The following SCML2 variants were observed in gnomAD, a reference collection of about 807,000 sequenced individuals.
SCML2 encodes the protein Scm polycomb group protein like 2.
Under a neutral mutation model 48.4 loss-of-function variants are expected in SCML2, and 6 were observed. The ratio of observed to expected loss-of-function variants is 0.12; its 90% CI spans 0.07 to 0.24. SCML2 has a LOEUF of 0.24. Ranked by LOEUF, SCML2 falls within the 10% of genes least tolerant of loss-of-function variation. SCML2 has a pLI of 1.00. For missense variants in SCML2, 377 were observed against 528.2 expected, an observed-to-expected ratio of 0.71 and a Z score of 2.81; for synonymous variants, 181 against 189.5, an observed-to-expected ratio of 0.95 and a Z score of 0.37.
intron 11 of SCML2, among the ~76,000 whole-genome samples, chrX:18,251,848 T>C (rs1350174336): frequency 1.8e-5 from 2 of 112,104 alleles, no homozygotes; most frequent in South Asian, 3.7e-4. Context: ...GCATTCCTAA[T>C]AGCCAAAAAG....
At chrX:18,354,555 C>G (rs1366777889) in intron 1 of SCML2, 37 bp downstream of exon 1, 1 of 263,935 alleles carries the variant, frequency 3.8e-6, no homozygotes, top group East Asian at 5.4e-5. Flanking sequence ...ACACCTCCGC[C>G]TCTCCATTCC....
At chrX:18,273,654 G>C (rs1253362677) in intron 7 of SCML2, among the ~76,000 whole-genome samples, 1 of 111,409 alleles carries the variant, frequency 9.0e-6, no homozygotes, top group Non-Finnish European at 1.9e-5. Context: ...TTCTGGGAGG[G>C]TGGGTTCCCA....
chrX:18,310,291 G>C (rs1157047717), intron 6 of SCML2, among the ~76,000 whole-genome samples: 1 of 76,429 alleles, frequency 1.3e-5, no homozygotes, highest in East Asian at 4.1e-4. Flanking sequence ...TTTTTGAGAC[G>C]GTCTCTCTCT....
intron 7 of SCML2, among the ~76,000 whole-genome samples, chrX:18,267,590 G>GTTTTT (rs766175364): frequency 9.9e-6 from 1 of 100,547 alleles, no homozygotes; most frequent in Non-Finnish European, 2.0e-5. Context: ...TTTTGTTTGG[G>GTTTTT]TTTTTTTTTT....
chrX:18,344,899 G>A (rs191303601), intron 1 of SCML2, among the ~76,000 whole-genome samples: 1 of 111,447 alleles, frequency 9.0e-6, no homozygotes, highest in East Asian at 2.8e-4. Context: ...GAGATTCAAT[G>A]ATAATGGTGT....
At chrX:18,333,457 A>G (rs1440441172) in intron 2 of SCML2, among the ~76,000 whole-genome samples, 1 of 111,753 alleles carries the variant, frequency 8.9e-6, no homozygotes, top group Non-Finnish European at 1.9e-5. Flanking sequence ...AAATAGTTCT[A>G]CAGAAGGATT....
At chrX:18,275,454 C>T (rs1927598229) in intron 7 of SCML2, among the ~76,000 whole-genome samples, 1 of 112,478 alleles carries the variant, frequency 8.9e-6, no homozygotes, top group Non-Finnish European at 1.9e-5. Context: ...AAACATAGGA[C>T]CATGATGCTC....
intron 8 of SCML2, 119 bp from the exon 9 acceptor site, chrX:18,260,410 C>A: frequency 1.6e-6 from 1 of 620,410 alleles, no homozygotes; most frequent in Non-Finnish European, 2.3e-6. Flanking sequence ...ATCAGAAGTC[C>A]TCAGGTTGGA....
intron 1 of SCML2, among the ~76,000 whole-genome samples, chrX:18,339,763 C>G (rs1468446151): frequency 9.0e-6 from 1 of 111,045 alleles, no homozygotes; most frequent in African/African-American, 3.3e-5. Context: ...GCTTTTGGCC[C>G]TTTATGAGCC....
intron 5 of SCML2, 133 bp from the exon 6 acceptor site, chrX:18,320,553 G>A: frequency 2.6e-6 from 1 of 392,088 alleles, no homozygotes; most frequent in East Asian, 4.0e-5. Context: ...CTTTGAACAT[G>A]GGCAAGAGGA....
rs1178980010 is a variant in SCML2 at position 18,241,222 on chromosome X, T to A, written c.*29A>T. Reference sequence around the variant, plus strand: ...AAAATGTTAACAGTACACCTGAGAATTATGTCCAATCTAAACTTACACATT... The same window carrying A: ...AAAATGTTAACAGTACACCTGAGAAATATGTCCAATCTAAACTTACACATT... On this transcript the variant is annotated 3_prime_UTR_variant, in exon 15 of 15. Transcript: ENST00000251900. The A allele has an allele frequency of 8.7e-7, 1 of 1,149,280 alleles. No homozygotes were observed. The highest frequency in any genetic ancestry group is 1.8e-5 in the African/African-American group (1 of 55,841). The allele number at this position is 1,149,280 out of a possible 1,213,427, so 94.7% of individuals were successfully genotyped here. A position where few individuals can be genotyped will look rare whatever the true frequency, so the allele number is the denominator to read the frequency against.
intron 4 of SCML2, among the ~76,000 whole-genome samples, chrX:18,324,697 T>C (rs1929424659): frequency 8.9e-6 from 1 of 112,203 alleles, no homozygotes; most frequent in South Asian, 3.7e-4. Context: ...TATTTATATG[T>C]CTGCCTTTCC....
chrX:18,345,172 G>T (rs1930158954), intron 1 of SCML2, among the ~76,000 whole-genome samples: 1 of 111,369 alleles, frequency 9.0e-6, no homozygotes, highest in Admixed American at 9.6e-5. Flanking sequence ...TGCTAAAACT[G>T]CCTTTGTTGT....
At chrX:18,344,350 C>T (rs1205648639) in intron 1 of SCML2, among the ~76,000 whole-genome samples, 1 of 111,921 alleles carries the variant, frequency 8.9e-6, no homozygotes, top group Non-Finnish European at 1.9e-5. Context: ...TTTGATTCCT[C>T]AAGATCAGGA....
At chrX:18,291,436 TAC>T (rs1430675284) in intron 7 of SCML2, among the ~76,000 whole-genome samples, 1 of 112,484 alleles carries the variant, frequency 8.9e-6, no homozygotes, top group Non-Finnish European at 1.9e-5. Context: ...CAGAAGTATT[TAC>T]ACAGTTTTTA....
In SCML2 at chrX:18,241,387, G is replaced by C. The variant is rs776124582; in HGVS notation, c.1975-8C>G. Reference sequence around the variant, plus strand: ...AGCCTTCCCATCAATTTCCTACAGAGAGAAGGAAATCATAATCATTAATAA... The same window carrying C: ...AGCCTTCCCATCAATTTCCTACAGACAGAAGGAAATCATAATCATTAATAA... On this transcript the variant is annotated splice_region_variant and splice_polypyrimidine_tract_variant and intron_variant, in intron 14 of 14. Coordinates refer to ENST00000251900, the MANE Select transcript of SCML2 (RefSeq NM_006089.3). 27 of 1,121,362 alleles carry C rather than the reference G, an allele frequency of 2.4e-5. No individual in the cohort carries two copies. The highest frequency in any genetic ancestry group is 3.2e-5 in the Non-Finnish European group (27 of 845,787). The allele number at this position is 1,121,362 out of a possible 1,213,427, so 92.4% of individuals were successfully genotyped here.
intron 3 of SCML2, among the ~76,000 whole-genome samples, chrX:18,327,493 C>G (rs760446360): frequency 9.0e-6 from 1 of 111,721 alleles, no homozygotes; most frequent in South Asian, 3.7e-4. Flanking sequence ...AAATGAATAC[C>G]CAAAGAACTA....
At chrX:18,274,025 A>G (rs1410157468) in intron 7 of SCML2, among the ~76,000 whole-genome samples, 1 of 111,791 alleles carries the variant, frequency 8.9e-6, no homozygotes, top group Non-Finnish European at 1.9e-5. Context: ...AAATTCACTC[A>G]TGCAACCTCA....
At chrX:18,324,367 AAAGT>A (rs1331031599) in intron 4 of SCML2, among the ~76,000 whole-genome samples, 3 of 111,829 alleles carry the variant, frequency 2.7e-5, no homozygotes, top group African/African-American at 9.8e-5. Flanking sequence ...GTGGCTTTCT[AAAGT>A]AAGAATCTGA....
Sources: gnomAD v4.1 joint callset for allele counts (sites outside exome capture counted in the v4.1 genomes callset) on GRCh38, gnomAD v4.1.1 for gene constraint, MANE v1.5 for transcripts, NCBI Gene and HGNC (gene_info 2026-07-23, HGNC 2026-07-21) for gene names.